PLA2G5: variants seen among roughly 807,000 people sequenced by gnomAD.
PLA2G5 encodes the protein Ca2+-dependent phospholipase A2.
A neutral mutation model predicts 15.9 loss-of-function variants in PLA2G5; 12 were observed. The observed-to-expected ratio is 0.76, with a 90% CI of 0.48 to 1.23. PLA2G5 has a LOEUF of 1.23. Among genes scored for constraint, PLA2G5 ranks in the 50% most tolerant of loss-of-function variants. PLA2G5 has a pLI of 0.00. For synonymous variants in PLA2G5, 71 were observed against 71.4 expected (o/e 0.99, Z 0.03); for missense variants, 169 against 177.1 (o/e 0.95, Z 0.26).
chr1:20,081,156 G>T (rs564470430), intron 1 of PLA2G5, among the ~76,000 whole-genome samples: 4 of 151,338 alleles, frequency 2.6e-5, no homozygotes, highest in African/African-American at 9.8e-5. Flanking sequence ...TACTGCAACC[G>T]CTGCCCTCCT....
At chr1:20,040,900 G>A (rs944872916) in intron 1 of PLA2G5, among the ~76,000 whole-genome samples, 8 of 152,130 alleles carry the variant, frequency 5.3e-5, no homozygotes, top group Non-Finnish European at 8.8e-5. Context: ...AGACCTGGAA[G>A]CCCCCTACCC....
chr1:20,066,358 A>G (rs2015028305), upstream of PLA2G5, among the ~76,000 whole-genome samples: 1 of 152,204 alleles, frequency 6.6e-6, no homozygotes, highest in South Asian at 2.1e-4. Context: ...CATTTCTCTT[A>G]GTCTGTGACT....
intron 1 of PLA2G5, among the ~76,000 whole-genome samples, chr1:20,083,588 T>G (rs957510397): frequency 2.0e-5 from 3 of 151,828 alleles, no homozygotes; most frequent in Non-Finnish European, 4.4e-5. Flanking sequence ...CTGAGACACA[T>G]GGAATTTCCT....
At chr1:20,056,342 G>GC (rs1351843674) in intron 1 of PLA2G5, among the ~76,000 whole-genome samples, 1 of 151,592 alleles carries the variant, frequency 6.6e-6, no homozygotes, top group Non-Finnish European at 1.5e-5. Context: ...TGGCCATCTT[G>GC]CCCCCCTATC....
intron 1 of PLA2G5, among the ~76,000 whole-genome samples, chr1:20,078,488 C>T (rs1439922346): frequency 2.0e-5 from 3 of 152,004 alleles, no homozygotes; most frequent in Admixed American, 6.6e-5. Context: ...GAGGACTCTT[C>T]CCCATGGCTC....
chr1:20,052,662 T>TAG (rs1457376273), intron 1 of PLA2G5, among the ~76,000 whole-genome samples: 1 of 152,194 alleles, frequency 6.6e-6, no homozygotes, highest in African/African-American at 2.4e-5. Context: ...AACCTGAGAC[T>TAG]AGAGACTCAT....
chr1:20,081,922 G>A (rs1200622710), intron 1 of PLA2G5, among the ~76,000 whole-genome samples: 2 of 151,788 alleles, frequency 1.3e-5, no homozygotes, highest in African/African-American at 4.9e-5. Flanking sequence ...CGTGGTGGCA[G>A]GCACCTGTAA....
rs117767559 is a variant in PLA2G5, at chr1:20,060,633, G to A, written n.337+941G>A. On this transcript the variant is annotated intron_variant and non_coding_transcript_variant, in intron 2 of 6. Transcript: ENST00000460175. ...TGTAAAGAGCACCTCCTTTTAGCAG[G>A]TGGTTTTAAGACTCAAAGGAAACAA... Among the ~76,000 whole-genome samples, 545 of 152,084 alleles carry A rather than the reference G, an allele frequency of 3.6e-3. 17 individuals carry two copies. The East Asian group carries it at 0.09, about 25-fold the overall frequency.
chr1:20,078,132 C>T lies in PLA2G5; in HGVS notation c.-10-6689C>T, dbSNP rs149874700. Reference sequence around the variant, plus strand: ...TGAAGCCCAGAGGGAGAGAGAGTTTCGAGAAGGAGGAGGTGGACTTCAAGA... The same window carrying T: ...TGAAGCCCAGAGGGAGAGAGAGTTTTGAGAAGGAGGAGGTGGACTTCAAGA... On this transcript the variant is annotated intron_variant, in intron 1 of 4. Transcript: ENST00000375108. Among the ~76,000 whole-genome samples, 45 of 152,072 alleles carry T rather than the reference C, an allele frequency of 3.0e-4. No homozygotes were observed. In the East Asian group the frequency reaches 8.0e-3, roughly 27 times the overall value.
exon 2 of PLA2G5, chr1:20,059,681 G>T (rs778541033): frequency 5.9e-5 from 9 of 152,152 alleles, no homozygotes; most frequent in Admixed American, 2.0e-4. Flanking sequence ...GATGGCTAAG[G>T]CTTCCTTGCA....
At chr1:20,089,740 T>A in intron 3 of PLA2G5, 49 bp from the exon 4 acceptor site, 1 of 1,462,750 alleles carries the variant, frequency 6.8e-7, no homozygotes, top group Non-Finnish European at 9.6e-7. Context: ...AGGGATGGGG[T>A]CAGGAGGGCA....
intron 1 of PLA2G5, chr1:20,046,069 GC>G (rs2013884839): frequency 6.6e-6 from 1 of 152,156 alleles, no homozygotes; most frequent in African/African-American, 2.4e-5. Context: ...CTCCCAGCAG[GC>G]AGGATGAGTT....
intron 1 of PLA2G5, chr1:20,076,960 G>A (rs1164804418): frequency 3.3e-5 from 5 of 152,284 alleles, no homozygotes; most frequent in Non-Finnish European, 7.3e-5. Context: ...CAGCAGCTTA[G>A]GTTCTCAGGG....
At chr1:20,044,246 A>C (rs145846828) in intron 1 of PLA2G5, among the ~76,000 whole-genome samples, 1 of 152,262 alleles carries the variant, frequency 6.6e-6, no homozygotes, top group Non-Finnish European at 1.5e-5. Flanking sequence ...TGTGTGCTGG[A>C]GGTATGGCTG....
intron 1 of PLA2G5, among the ~76,000 whole-genome samples, chr1:20,074,456 A>G (rs1218671217): frequency 6.6e-6 from 1 of 152,170 alleles, no homozygotes; most frequent in African/African-American, 2.4e-5. Flanking sequence ...AATTTTAAAA[A>G]CATTTTTTAC....
chr1:20,077,813 C>A (rs144457808), intron 1 of PLA2G5, among the ~76,000 whole-genome samples: 1 of 152,326 alleles, frequency 6.6e-6, no homozygotes, highest in Non-Finnish European at 1.5e-5. Flanking sequence ...TACGTTGGAT[C>A]TTGGATCTGA....
At chr1:20,040,607 AACACT>A (rs1164503564) in intron 1 of PLA2G5, among the ~76,000 whole-genome samples, 8 of 140,998 alleles carry the variant, frequency 5.7e-5, no homozygotes, top group Non-Finnish European at 1.3e-4. Context: ...CACACACACA[AACACT>A]CACACTCATT....
At chr1:20,075,575 G>A (rs910287572) in intron 1 of PLA2G5, among the ~76,000 whole-genome samples, 11 of 152,214 alleles carry the variant, frequency 7.2e-5, no homozygotes, top group African/African-American at 2.4e-4. Flanking sequence ...ATAAGTGGTC[G>A]TTCCAGGGCA....
intron 1 of PLA2G5, among the ~76,000 whole-genome samples, chr1:20,046,469 T>C (rs2013908494): frequency 6.6e-6 from 1 of 152,198 alleles, no homozygotes. Context: ...GTTCTTTTAC[T>C]TTTTTTCCAC....
Sources: allele counts gnomAD v4.1 joint callset (sites outside exome capture counted in the v4.1 genomes callset), GRCh38; gene constraint gnomAD v4.1.1; transcripts MANE v1.5; gene names NCBI Gene and HGNC (gene_info 2026-07-23, HGNC 2026-07-21).